Variants in APBB2 observed in about 807,000 individuals in gnomAD.
APBB2 encodes Fe65-like 1.
APBB2 carries 38 observed loss-of-function variants against 82.5 expected under a neutral mutation model. The observed-to-expected ratio is 0.46, with a 90% CI of 0.36 to 0.60. The LOEUF (loss-of-function observed/expected upper bound fraction) is 0.60. APBB2 is among the 20% of genes least tolerant of loss of function. The pLI, the probability that APBB2 is intolerant of heterozygous loss-of-function variation, is 0.00. For synonymous variants in APBB2, 341 were observed against 368.2 expected (o/e 0.93, Z 0.85); for missense variants, 772 against 972.3 (o/e 0.79, Z 2.74).
At position 40,816,279 on chromosome 4, in the gene APBB2, G is replaced by A. The variant is rs180864438; in HGVS notation, c.2113-20C>T. 5.9e-5 allele frequency: 96 copies of A among 1,613,776 alleles called. No homozygotes were observed. In the East Asian group the frequency reaches 1.9e-3, roughly 32 times the overall value. Reference sequence around the variant, plus strand: ...TCGTAACTGAAATAAAACAAAACGTGTTTTAAGGTAATTAACAACATATTA... The same window carrying A: ...TCGTAACTGAAATAAAACAAAACGTATTTTAAGGTAATTAACAACATATTA... On this transcript the variant is annotated intron_variant, in intron 17 of 17. Coordinates refer to ENST00000508593, the MANE Select transcript of APBB2 (RefSeq NM_004307.2).
intron 10 of APBB2, among the ~76,000 whole-genome samples, chr4:40,920,446 A>G (rs1228759704): frequency 1.3e-5 from 2 of 152,166 alleles, no homozygotes; most frequent in Non-Finnish European, 2.9e-5. Flanking sequence ...ACAAAACTGC[A>G]TTTTCTCTTA....
chr4:41,092,908 C>T (rs1358871480), intron 3 of APBB2, among the ~76,000 whole-genome samples: 3 of 152,088 alleles, frequency 2.0e-5, no homozygotes, highest in Non-Finnish European at 2.9e-5. Context: ...CTGTTTCACC[C>T]TCTCCTTCAG....
At chr4:41,175,438 G>A (rs544180426) in intron 1 of APBB2, among the ~76,000 whole-genome samples, 1 of 152,078 alleles carries the variant, frequency 6.6e-6, no homozygotes, top group South Asian at 2.1e-4. Flanking sequence ...AATAAGGCTT[G>A]TATTTTGTTT....
At chr4:41,040,878 T>G (rs181751883) in intron 4 of APBB2, among the ~76,000 whole-genome samples, 1 of 152,252 alleles carries the variant, frequency 6.6e-6, no homozygotes, top group East Asian at 1.9e-4. Context: ...CTGCAAATTT[T>G]TTATTTTTTT....
chr4:40,821,890 G>A lies in APBB2; in HGVS notation c.2093C>T (p.Ala698Val), dbSNP rs1366053788. 6.2e-6 allele frequency: 10 copies of A among 1,613,388 alleles called. No homozygotes were observed. In the Admixed American group the frequency reaches 8.3e-5, roughly 13 times the overall value. ...ACTCACCATGCAGGCGGCCTGCACC[G>A]CCTCAGACACGTTACCAGCATTAGG... Reference protein sequence around the residue: ...CEPNAGNVSEAVQAACMLRYQ... With the variant: ...CEPNAGNVSEVVQAACMLRYQ... Residue 698 changes from alanine to valine, a missense_variant, in exon 17 of 18, where the codon GCG (alanine) becomes GTG (valine). Coordinates refer to ENST00000508593, the MANE Select transcript of APBB2 (RefSeq NM_004307.2).
At chr4:40,886,818 C>T (rs1476060594) in intron 12 of APBB2, among the ~76,000 whole-genome samples, 1 of 152,194 alleles carries the variant, frequency 6.6e-6, no homozygotes, top group African/African-American at 2.4e-5. Context: ...CCTGGGTGCT[C>T]CTGGGGCTGA....
intron 4 of APBB2, among the ~76,000 whole-genome samples, chr4:41,054,701 A>G (rs945891800): frequency 5.3e-5 from 8 of 152,194 alleles, no homozygotes; most frequent in African/African-American, 1.9e-4. Context: ...TATAAAGTAT[A>G]AATGGGCAGT....
intron 3 of APBB2, among the ~76,000 whole-genome samples, chr4:41,074,620 T>A (rs997402155): frequency 2.9e-4 from 43 of 149,714 alleles, no homozygotes; most frequent in South Asian, 1.3e-3. Context: ...TTTTTTTTTT[T>A]TTTTTTTGAG....
intron 2 of APBB2, among the ~76,000 whole-genome samples, chr4:41,133,736 A>G (rs979723218): frequency 2.0e-5 from 3 of 152,112 alleles, no homozygotes; most frequent in Admixed American, 6.5e-5. Flanking sequence ...AGAGGTAAAC[A>G]CCTTGGTCCC....
intron 5 of APBB2, among the ~76,000 whole-genome samples, chr4:41,018,406 G>C (rs566130575): frequency 2.6e-5 from 4 of 152,176 alleles, no homozygotes; most frequent in African/African-American, 9.7e-5. Context: ...GGTTGGAGAG[G>C]ATCTTCAGGG....
At chr4:40,899,980 A>G (rs1409649346) in intron 10 of APBB2, among the ~76,000 whole-genome samples, 1 of 152,218 alleles carries the variant, frequency 6.6e-6, no homozygotes, top group Non-Finnish European at 1.5e-5. Flanking sequence ...TCCATGAAGG[A>G]GCATATCCGA....
chr4:41,180,477 T>C (rs1771014369), intron 1 of APBB2, among the ~76,000 whole-genome samples: 3 of 151,896 alleles, frequency 2.0e-5, no homozygotes, highest in African/African-American at 4.8e-5. Context: ...TTAAATTAAA[T>C]TGAATTAGCC....
intron 10 of APBB2, among the ~76,000 whole-genome samples, chr4:40,924,074 G>T (rs1036226512): frequency 6.6e-6 from 1 of 152,234 alleles, no homozygotes. Context: ...TTCGGGTCCT[G>T]CTCTGCCACG....
chr4:40,889,138 C>T (rs1771228844), intron 12 of APBB2, among the ~76,000 whole-genome samples: 1 of 152,222 alleles, frequency 6.6e-6, no homozygotes, highest in South Asian at 2.1e-4. Flanking sequence ...GGTACGAAAG[C>T]TCAAAGATGC....
chr4:40,993,652 T>A (rs1322234594), intron 6 of APBB2, among the ~76,000 whole-genome samples: 1 of 152,060 alleles, frequency 6.6e-6, no homozygotes, highest in Admixed American at 6.6e-5. Flanking sequence ...CCTCCCAAAG[T>A]GCTGGGATTA....
intron 12 of APBB2, among the ~76,000 whole-genome samples, chr4:40,835,910 G>A (rs912692878): frequency 1.3e-5 from 2 of 152,144 alleles, no homozygotes; most frequent in Non-Finnish European, 1.5e-5. Flanking sequence ...GATGAGGGAG[G>A]CGATTAAGAA....
intron 10 of APBB2, among the ~76,000 whole-genome samples, chr4:40,931,662 C>T (rs1417796968): frequency 2.0e-5 from 3 of 152,148 alleles, no homozygotes; most frequent in African/African-American, 7.2e-5. Flanking sequence ...ACCTGCAGGT[C>T]CATGTTAGCA....
At chr4:40,911,731 G>T (rs1778612155) in intron 10 of APBB2, among the ~76,000 whole-genome samples, 1 of 152,056 alleles carries the variant, frequency 6.6e-6, no homozygotes, top group South Asian at 2.1e-4. Flanking sequence ...TAATGTGTCT[G>T]CAGTCCTCAT....
rs534870562 is a variant in APBB2 at position 41,101,020 on chromosome 4, G to A, written c.-260-270C>T. On this transcript the variant is annotated intron_variant, in intron 2 of 17. Coordinates refer to ENST00000508593, the MANE Select transcript of APBB2 (RefSeq NM_004307.2). ...CTTGGCAACCACTCCTGTTAAAGAT[G>A]TCTTTCTCAGGGAGTCACAAAAAGG... Among the ~76,000 whole-genome samples, 8 of 152,266 alleles carry A rather than the reference G, an allele frequency of 5.3e-5. No individual in the cohort carries two copies. The South Asian group carries it at 1.5e-3, about 28-fold the overall frequency.
Sources: gnomAD v4.1 joint callset for allele counts (sites outside exome capture counted in the v4.1 genomes callset) on GRCh38, gnomAD v4.1.1 for gene constraint, MANE v1.5 for transcripts, NCBI Gene and HGNC (gene_info 2026-07-23, HGNC 2026-07-21) for gene names.